MIER3: variants seen among roughly 807,000 people sequenced by gnomAD.
MIER3 encodes the protein mesoderm induction early response protein 3.
In MIER3, 9 loss-of-function variants were observed where a neutral mutation model predicts 63.2. That is an observed-to-expected ratio of 0.14 (90% CI 0.09 to 0.25). The LOEUF (loss-of-function observed/expected upper bound fraction) is 0.25, where lower values mean the gene tolerates loss of function less well. Among genes scored for constraint, MIER3 ranks in the 10% least tolerant of loss-of-function variants. The pLI, the probability that MIER3 is intolerant of heterozygous loss-of-function variation, is 1.00. For synonymous variants in MIER3, 205 were observed against 224.9 expected, an observed-to-expected ratio of 0.91 and a Z score of 0.79; for missense variants, 512 against 666.2, an observed-to-expected ratio of 0.77 and a Z score of 2.55.
intron 1 of MIER3, 36 bp downstream of exon 1, chr5:56,952,058 C>G (rs1751056956): frequency 7.8e-7 from 1 of 1,284,498 alleles, no homozygotes; most frequent in African/African-American, 1.6e-5. Flanking sequence ...GGCGCCCGCT[C>G]CAGCCCGGCT....
intron 3 of MIER3, chr5:56,941,110 C>T (rs1343541223): frequency 1.5e-5 from 15 of 985,266 alleles, no homozygotes; most frequent in Non-Finnish European, 1.6e-5. Flanking sequence ...CTGAAGAATC[C>T]CTGCTCACAA....
chr5:56,937,787 A>T (rs1388608569), intron 4 of MIER3, 89 bp from the exon 5 acceptor site: 4 of 1,183,190 alleles, frequency 3.4e-6, no homozygotes, highest in Non-Finnish European at 4.5e-6. Flanking sequence ...ATCATTAAGA[A>T]GCAGTTGGAA....
chr5:56,932,859 A>G (rs1750319125), intron 8 of MIER3, among the ~76,000 whole-genome samples: 1 of 152,252 alleles, frequency 6.6e-6, no homozygotes, highest in South Asian at 2.1e-4. Context: ...AATTACAAGT[A>G]TAGGATAAGT....
chr5:56,928,945 A>G (rs1393872409), intron 9 of MIER3, 84 bp from the exon 10 acceptor site: 1 of 792,272 alleles, frequency 1.3e-6, no homozygotes, highest in African/African-American at 1.7e-5. Context: ...TTCCCTGTAA[A>G]AGGTCACAAA....
chr5:56,928,457 G>A (rs1353789864), intron 10 of MIER3: 1 of 182,706 alleles, frequency 5.5e-6, no homozygotes. Context: ...TTATTTTGAG[G>A]CCACAAACCT....
intron 9 of MIER3, among the ~76,000 whole-genome samples, chr5:56,930,087 C>G (rs1561235223): frequency 6.6e-6 from 1 of 151,856 alleles, no homozygotes; most frequent in East Asian, 1.9e-4. Context: ...AGTAATATTA[C>G]TAAGTATTAT....
chr5:56,930,575 T>C (rs1349678281), intron 9 of MIER3, 89 bp downstream of exon 9: 30 of 1,045,468 alleles, frequency 2.9e-5, no homozygotes, highest in Non-Finnish European at 3.0e-5. Context: ...TGTTACAGGA[T>C]TGCTCTGTCC....
At position 56,923,063 on chromosome 5, in the gene MIER3, C is replaced by T. The variant is rs1749749189; in HGVS notation, c.*65G>A. 1 of 1,413,410 alleles carries T rather than the reference C, an allele frequency of 7.1e-7. No homozygotes were observed. The highest frequency in any genetic ancestry group is 1.4e-5 in the African/African-American group (1 of 70,528). 87.6% of individuals were successfully genotyped at this position (1,413,410 alleles called of 1,614,324 possible). On this transcript the variant is annotated 3_prime_UTR_variant, in exon 13 of 13. Transcript: ENST00000381199. ...TTCAAACTTCCAGTGAAAGACTATG[C>T]AAACCTGATAGCTCCCCTCAAGTTT...
chr5:56,933,538 G>A (rs1246406012), intron 7 of MIER3, 140 bp from the exon 8 acceptor site: 15 of 730,962 alleles, frequency 2.1e-5, no homozygotes, highest in East Asian at 3.1e-5. Flanking sequence ...CCGATTATCC[G>A]TTAAGTAGGG....
intron 3 of MIER3, among the ~76,000 whole-genome samples, chr5:56,939,516 T>G (rs1750567297): frequency 6.6e-6 from 1 of 152,232 alleles, no homozygotes; most frequent in Non-Finnish European, 1.5e-5. Context: ...TCCTTTTATA[T>G]TCTTACTACA....
intron 8 of MIER3, among the ~76,000 whole-genome samples, chr5:56,932,539 C>T (rs1398434340): frequency 2.0e-5 from 3 of 152,184 alleles, no homozygotes; most frequent in East Asian, 1.9e-4. Flanking sequence ...CCTCTGAATA[C>T]TTATTAGTCA....
chr5:56,923,271 C>A lies in MIER3; in HGVS notation c.1510G>T (p.Asp504Tyr), dbSNP rs1749764814. ...ATGTGATGTGTGTGATTTTCAAAGT[C>A]CACACCCAGGTTATTTACAGAAACT... ...NEVSVNNLGVDFENHTHHITS... is the reference protein window; with the variant it reads ...NEVSVNNLGVYFENHTHHITS... The change falls in exon 13 of 13, where the codon GAC becomes TAC. Residue 504 changes from aspartate (D) to tyrosine (Y), a missense_variant. By Grantham distance (160) the Asp-to-Tyr change is radical (BLOSUM62 -3). Around this residue, in one of 5 missense-constraint regions of MIER3, gnomAD observed 218 missense variants for 251.2 expected, o/e 0.87. Transcript: ENST00000381199. 1 of 1,614,004 alleles carries A rather than the reference C, an allele frequency of 6.2e-7. No individual in the cohort carries two copies. Among genetic ancestry groups the A allele is most frequent in the South Asian group, 1.1e-5 (1 of 91,084 alleles).
chr5:56,928,737 A>C (rs1361319567), intron 10 of MIER3, 30 bp downstream of exon 10: 2 of 1,483,240 alleles, frequency 1.3e-6, no homozygotes, highest in Non-Finnish European at 1.9e-6. Context: ...TGTAACTAGT[A>C]ATTTATCTGT....
At chr5:56,924,119 T>TAC (rs1263230446) in intron 10 of MIER3, 77 bp from the exon 11 acceptor site, 102 of 1,399,480 alleles carry the variant, frequency 7.3e-5, no homozygotes, top group Non-Finnish European at 9.8e-5. Context: ...TCCACAACAC[T>TAC]ACAACTTCAA....
intron 1 of MIER3, among the ~76,000 whole-genome samples, chr5:56,951,153 G>C (rs1751011781): frequency 6.6e-6 from 1 of 152,174 alleles, no homozygotes. Flanking sequence ...GCGTAGGCCA[G>C]CTCGAATCGG....
At chr5:56,932,690 C>G (rs1299468737) in intron 8 of MIER3, among the ~76,000 whole-genome samples, 1 of 152,158 alleles carries the variant, frequency 6.6e-6, no homozygotes, top group Non-Finnish European at 1.5e-5. Context: ...TATTCTGAAT[C>G]TACAGGTACA....
At chr5:56,948,500 C>A (rs1229361055) in intron 2 of MIER3, among the ~76,000 whole-genome samples, 1 of 152,002 alleles carries the variant, frequency 6.6e-6, no homozygotes, top group Non-Finnish European at 1.5e-5. Context: ...CCTGTCTCTA[C>A]TAACAATACA....
intron 3 of MIER3, 126 bp from the exon 4 acceptor site, chr5:56,939,143 T>C: frequency 5.7e-6 from 6 of 1,046,016 alleles, no homozygotes; most frequent in Admixed American, 3.3e-5. Context: ...AAGGCAAGTT[T>C]CAGTTTTTCT....
At position 56,937,717 on chromosome 5, in the gene MIER3, A is replaced by G; in HGVS notation, c.316-19T>C. On this transcript the variant is annotated intron_variant, in intron 4 of 12. Transcript: ENST00000381199. ...TTTCCTCCTGGAAGAATAAGAAGGCAGTGCTACAGTTAGAAATGATTACAT... is the reference window on the plus strand; with the variant it reads ...TTTCCTCCTGGAAGAATAAGAAGGCGGTGCTACAGTTAGAAATGATTACAT... 1 of 1,595,862 alleles carries G rather than the reference A, an allele frequency of 6.3e-7. No individual in the cohort carries two copies. Among genetic ancestry groups the G allele is most frequent in the Non-Finnish European group, 8.5e-7 (1 of 1,171,212 alleles).
Sources: allele counts gnomAD v4.1 joint callset (sites outside exome capture counted in the v4.1 genomes callset), GRCh38; gene constraint gnomAD v4.1.1; regional missense constraint gnomAD v4.1.1; transcripts MANE v1.5; gene names NCBI Gene and HGNC (gene_info 2026-07-23, HGNC 2026-07-21).